COL19A1: variants seen among roughly 807,000 people sequenced by gnomAD.
COL19A1 encodes collagen type XIX alpha 1 chain, also known as collagen alpha-1(XIX) chain.
COL19A1 carries 159 observed loss-of-function variants against 190.2 expected under a neutral mutation model. The observed-to-expected ratio is 0.84, with a 90% CI of 0.73 to 0.95. COL19A1 has a LOEUF of 0.95. COL19A1 is among the 40% of genes least tolerant of loss of function. The probability of loss-of-function intolerance (pLI) is 0.00; values close to 1 mark genes in which losing one functional copy is unlikely to be tolerated. For synonymous variants in COL19A1, 509 were observed against 458.9 expected, an observed-to-expected ratio of 1.11 and a Z score of -1.39; for missense variants, 1,418 against 1,431.9, an observed-to-expected ratio of 0.99 and a Z score of 0.16.
intron 2 of COL19A1, among the ~76,000 whole-genome samples, chr6:69,881,475 C>G (rs1768550368): frequency 6.6e-6 from 1 of 152,188 alleles, no homozygotes; most frequent in Non-Finnish European, 1.5e-5. Context: ...CAGCAGATGT[C>G]TAGAACGTAA....
At chr6:70,164,307 G>T (rs570392885) in intron 36 of COL19A1, among the ~76,000 whole-genome samples, 1 of 152,194 alleles carries the variant, frequency 6.6e-6, no homozygotes, top group South Asian at 2.1e-4. Flanking sequence ...TACTAGTCCA[G>T]GCAGATCCAG....
At chr6:69,871,696 A>G (rs1767833105) in intron 1 of COL19A1, among the ~76,000 whole-genome samples, 1 of 152,104 alleles carries the variant, frequency 6.6e-6, no homozygotes, top group Admixed American at 6.5e-5. Flanking sequence ...AACACTTTAA[A>G]TTGTTAGATG....
At chr6:70,027,167 C>A (rs1307682594) in intron 12 of COL19A1, among the ~76,000 whole-genome samples, 1 of 152,142 alleles carries the variant, frequency 6.6e-6, no homozygotes, top group Non-Finnish European at 1.5e-5. Context: ...CAGCTACTTT[C>A]TAAGTCAGAG....
At chr6:70,163,016 A>G (rs894001637) in intron 35 of COL19A1, among the ~76,000 whole-genome samples, 3 of 152,218 alleles carry the variant, frequency 2.0e-5, no homozygotes, top group African/African-American at 7.2e-5. Flanking sequence ...TACCAAAACT[A>G]TAGCTCATTT....
chr6:70,035,944 G>A lies in COL19A1; in HGVS notation c.1170+5G>A, dbSNP rs1032476128. The A allele has an allele frequency of 6.2e-7, 1 of 1,612,958 alleles. No homozygotes were observed. Among genetic ancestry groups the A allele is most frequent in the Admixed American group, 1.7e-5 (1 of 59,996 alleles). ...CCAGGACCACCAGCCTTACCTGTAAGTATTCTTGAAATCAAAATTCAAAAT... is the reference window on the plus strand; with the variant it reads ...CCAGGACCACCAGCCTTACCTGTAAATATTCTTGAAATCAAAATTCAAAAT... On this transcript the variant is annotated splice_donor_5th_base_variant and intron_variant, in intron 14 of 50. Transcript: ENST00000620364.
At chr6:70,059,887 C>G in intron 14 of COL19A1, 1 of 374,130 alleles carries the variant, frequency 2.7e-6, no homozygotes, top group East Asian at 7.3e-5. Flanking sequence ...AAGTAGAAAA[C>G]ATTGATAGGC....
intron 16 of COL19A1, among the ~76,000 whole-genome samples, chr6:70,106,421 T>C (rs1003099075): frequency 9.2e-5 from 14 of 152,004 alleles, no homozygotes; most frequent in African/African-American, 3.1e-4. Flanking sequence ...AGATTTCTAA[T>C]AATGGAAAAT....
intron 9 of COL19A1, among the ~76,000 whole-genome samples, chr6:69,943,679 G>A (rs1773613863): frequency 6.6e-6 from 1 of 152,024 alleles, no homozygotes. Flanking sequence ...GCACGTTCCT[G>A]GCACCTCTGT....
chr6:70,137,949 A>G (rs1008971791), intron 19 of COL19A1, among the ~76,000 whole-genome samples: 1 of 152,204 alleles, frequency 6.6e-6, no homozygotes, highest in Non-Finnish European at 1.5e-5. Flanking sequence ...AAAAGTTTCC[A>G]TAAGGTCATC....
intron 11 of COL19A1, among the ~76,000 whole-genome samples, chr6:69,969,254 A>T (rs1264256083): frequency 6.6e-6 from 1 of 152,120 alleles, no homozygotes; most frequent in African/African-American, 2.4e-5. Context: ...TTAATTCCTA[A>T]TTTTTCTTGT....
At chr6:70,196,346 T>C (rs1345294564) in intron 48 of COL19A1, among the ~76,000 whole-genome samples, 1 of 152,202 alleles carries the variant, frequency 6.6e-6, no homozygotes, top group Non-Finnish European at 1.5e-5. Context: ...TGAATGCTAA[T>C]ATGTAACAAT....
At chr6:70,046,668 T>A (rs1429368980) in intron 14 of COL19A1, among the ~76,000 whole-genome samples, 1 of 120,528 alleles carries the variant, frequency 8.3e-6, no homozygotes, top group Admixed American at 8.1e-5. Flanking sequence ...ATGATTATGA[T>A]ACAAAGTTTA....
At position 70,211,197 on chromosome 6, in the gene COL19A1, A is replaced by G. The variant is rs1358919586; in HGVS notation, c.*3923A>G. 2.0e-5 allele frequency among the ~76,000 whole-genome samples: 3 copies of G among 152,076 alleles called. No homozygotes were observed. Among genetic ancestry groups the G allele is most frequent in the Non-Finnish European group, 4.4e-5 (3 of 67,962 alleles). The stretch of plus-strand genomic sequence containing the variant: ...TTATATTTTTCTAGAATACATCACT[A>G]TTTACAAAAGTACAATTAGAAACAC... On this transcript the variant is annotated 3_prime_UTR_variant, in exon 51 of 51. Transcript: ENST00000620364.
intron 16 of COL19A1, among the ~76,000 whole-genome samples, chr6:70,109,018 T>C (rs1405593218): frequency 2.6e-5 from 4 of 152,142 alleles, no homozygotes; most frequent in Non-Finnish European, 4.4e-5. Flanking sequence ...ACATTGAATA[T>C]ACAGTGGTTA....
chr6:69,980,820 G>C (rs564824756), intron 11 of COL19A1, among the ~76,000 whole-genome samples: 2 of 152,206 alleles, frequency 1.3e-5, no homozygotes, highest in African/African-American at 4.8e-5. Context: ...ATGAGATTTG[G>C]CTTTACAGCC....
chr6:70,101,652 G>A (rs1783637754), intron 15 of COL19A1, among the ~76,000 whole-genome samples: 1 of 152,158 alleles, frequency 6.6e-6, no homozygotes, highest in South Asian at 2.1e-4. Flanking sequence ...ATTATCTGAA[G>A]TAGTTTTAAA....
chr6:70,194,943 A>C (rs1767096127), intron 48 of COL19A1, among the ~76,000 whole-genome samples: 1 of 151,710 alleles, frequency 6.6e-6, no homozygotes, highest in African/African-American at 2.4e-5. Flanking sequence ...TTTTCTCGAT[A>C]TGCATTTCAT....
intron 15 of COL19A1, among the ~76,000 whole-genome samples, chr6:70,074,939 C>T (rs956267528): frequency 3.4e-5 from 5 of 147,454 alleles, no homozygotes; most frequent in Non-Finnish European, 5.9e-5. Context: ...TAACTCTGGT[C>T]GTAGGTAGAA....
At position 70,149,973 on chromosome 6, in the gene COL19A1, T is replaced by C. The variant is rs746439027; in HGVS notation, c.1984-19T>C. The C allele has an allele frequency of 6.2e-7, 1 of 1,613,796 alleles. No homozygotes were observed. Among genetic ancestry groups the C allele is most frequent in the South Asian group, 1.1e-5 (1 of 91,072 alleles). ...CTGTGCCACGTGCAAAGATTGAACA[T>C]GGATACCTCTGTTTTCAGGGAGTTC... On this transcript the variant is annotated intron_variant, in intron 29 of 50. Coordinates refer to ENST00000620364, the MANE Select transcript of COL19A1 (RefSeq NM_001858.6).
Sources: allele counts gnomAD v4.1 joint callset (sites outside exome capture counted in the v4.1 genomes callset), GRCh38; gene constraint gnomAD v4.1.1; transcripts MANE v1.5; gene names NCBI Gene and HGNC (gene_info 2026-07-23, HGNC 2026-07-21).